The following ATP2B3 variants were observed in gnomAD, a reference collection of about 807,000 sequenced individuals.
The protein encoded by ATP2B3 is ATPase plasma membrane Ca2+ transporting 3.
In ATP2B3, 12 loss-of-function variants were observed where a neutral mutation model predicts 70.8. That is an observed-to-expected ratio of 0.17 (90% confidence interval 0.11 to 0.27). ATP2B3 has a LOEUF of 0.27. ATP2B3 is among the 10% of genes least tolerant of loss of function. The probability of loss-of-function intolerance (pLI) is 1.00; values close to 1 mark genes in which losing one functional copy is unlikely to be tolerated. For missense variants in ATP2B3, 858 were observed against 1,118.5 expected (o/e 0.77, Z 3.32); for synonymous variants, 460 against 497.8 (o/e 0.92, Z 1.01).
At chrX:153,562,629 A>T (rs1382001812) in intron 20 of ATP2B3, among the ~76,000 whole-genome samples, 2 of 112,017 alleles carry the variant, frequency 1.8e-5, no homozygotes, top group Non-Finnish European at 3.8e-5. Flanking sequence ...AAATATTTTG[A>T]CCTGATGGAA....
rs782405959 is a variant in ATP2B3, at chrX:153,542,324, C to A, written c.666C>A (p.Gly222=). The change falls in exon 6 of 22, where the codon GGC becomes GGA. Residue 222 remains glycine, a splice_region_variant and synonymous_variant. Transcript: ENST00000263519. ...VVGDIAQVKY[G]DLLPADGVLI... is the part of the protein sequence containing the mutation. ...GGCCTCTGCTTCCCGGTGCTCTAGGCGACCTGCTGCCAGCCGACGGCGTGC... is the reference window on the plus strand; with the variant it reads ...GGCCTCTGCTTCCCGGTGCTCTAGGAGACCTGCTGCCAGCCGACGGCGTGC... 8.3e-7 allele frequency: 1 copy of A among 1,210,988 alleles called. No individual in the cohort carries two copies. Among genetic ancestry groups the A allele is most frequent in the East Asian group, 3.0e-5 (1 of 33,834 alleles).
At chrX:153,564,756 AG>A (rs1436977666) in intron 20 of ATP2B3, among the ~76,000 whole-genome samples, 164 bp from the exon 21 acceptor site, 1 of 113,447 alleles carries the variant, frequency 8.8e-6, no homozygotes, top group Non-Finnish European at 1.9e-5. Context: ...AAGGGCTGCC[AG>A]TTCCCGGGGG....
Position 153,549,754 on chromosome X carries a change from G to T in ATP2B3, c.1581+15G>T. On this transcript the variant is annotated intron_variant, in intron 11 of 21. Transcript: ENST00000263519. ...CCAAAATACTAGTGAGCTGGGGCAG[G>T]AGCGGGCGGGCAGGGCCGGGGGCAG... 1 of 1,205,474 alleles carries T rather than the reference G, an allele frequency of 8.3e-7. No homozygotes were observed. Among genetic ancestry groups the T allele is most frequent in the Admixed American group, 2.2e-5 (1 of 45,928 alleles).
At chrX:153,560,556 G>C in intron 18 of ATP2B3, 120 bp from the exon 19 acceptor site, 1 of 818,113 alleles carries the variant, frequency 1.2e-6, no homozygotes, top group South Asian at 2.5e-5. Context: ...CCGTGAGCTG[G>C]AAGTGGCCAT....
intron 2 of ATP2B3, among the ~76,000 whole-genome samples, chrX:153,534,019 GAGCCTACCACACA>G (rs1343321742): frequency 2.7e-5 from 3 of 112,187 alleles, no homozygotes; most frequent in African/African-American, 9.7e-5. Context: ...TGCCACCCAA[GAGCCTACCACACA>G]AGCCATTCAC....
intron 2 of ATP2B3, among the ~76,000 whole-genome samples, chrX:153,528,703 T>G (rs1239095411): frequency 8.9e-6 from 1 of 112,346 alleles, no homozygotes; most frequent in Non-Finnish European, 1.9e-5. Flanking sequence ...CTCAGGAATC[T>G]GAGCTCCTTT....
chrX:153,546,020 C>A (rs2090360320), intron 7 of ATP2B3, 68 bp from the exon 8 acceptor site: 1 of 1,165,389 alleles, frequency 8.6e-7, no homozygotes, highest in African/African-American at 1.8e-5. Context: ...CTCCCCACCC[C>A]CTCTGCCACG....
At position 153,541,537 on chromosome X, in the gene ATP2B3, G is replaced by C. The variant is rs145627609; in HGVS notation, c.387G>C (p.Pro129=). 1.4e-4 allele frequency: 169 copies of C among 1,209,491 alleles called. No homozygotes were observed. In the African/African-American group the frequency reaches 2.8e-3, roughly 20 times the overall value. The change falls in exon 4 of 22, where the codon CCG becomes CCC. Residue 129 remains proline (P), a synonymous_variant. Coordinates refer to ENST00000263519, the MANE Select transcript of ATP2B3 (RefSeq NM_001001344.3). ...IVSLGLSFYA[P]PGEESEACGN... ...CTCTGGGCCTCTCGTTCTATGCGCC[G>C]CCAGGAGAGGAGAGTGAAGGTAAGG...
At chrX:153,552,375 C>T (rs2090470438) in intron 12 of ATP2B3, among the ~76,000 whole-genome samples, 2 of 112,225 alleles carry the variant, frequency 1.8e-5, no homozygotes. Context: ...AGTGGCAGCA[C>T]CTGGCACTCA....
intron 2 of ATP2B3, among the ~76,000 whole-genome samples, chrX:153,529,114 C>A (rs2090076273): frequency 8.9e-6 from 1 of 112,636 alleles, no homozygotes; most frequent in African/African-American, 3.2e-5. Flanking sequence ...CAGGCTTTCC[C>A]CAGGTGACCT....
intron 21 of ATP2B3, among the ~76,000 whole-genome samples, chrX:153,578,074 A>G (rs1557021769): frequency 8.9e-6 from 1 of 112,590 alleles, no homozygotes; most frequent in African/African-American, 3.2e-5. Context: ...CAGAGAGGAA[A>G]TATTTTTAGC....
chrX:153,523,293 G>A (rs1424233070), intron 2 of ATP2B3, among the ~76,000 whole-genome samples: 1 of 112,303 alleles, frequency 8.9e-6, no homozygotes, highest in Non-Finnish European at 1.9e-5. Context: ...TGTATCAGGC[G>A]GCCTTCAGTA....
intron 2 of ATP2B3, among the ~76,000 whole-genome samples, chrX:153,531,633 C>A (rs2090119460): frequency 8.9e-6 from 1 of 112,611 alleles, no homozygotes; most frequent in African/African-American, 3.2e-5. Context: ...TGCTTCGGGG[C>A]CACGGCATCC....
At chrX:153,549,348 C>T (rs996840490) in intron 10 of ATP2B3, 149 bp from the exon 11 acceptor site, 28 of 1,092,999 alleles carry the variant, frequency 2.6e-5, no homozygotes, top group Non-Finnish European at 1.4e-5. Context: ...TCGCTATTGG[C>T]TCAGGGCTGA....
Position 153,549,747 on chromosome X carries a change from G to GGGGCAGGAGCGGGC in ATP2B3, c.1581+16_1581+29dup. The GGGGCAGGAGCGGGC allele has an allele frequency of 8.3e-7, 1 of 1,208,083 alleles. No individual in the cohort carries two copies. Among genetic ancestry groups the GGGGCAGGAGCGGGC allele is most frequent in the African/African-American group, 1.7e-5 (1 of 57,909 alleles). On this transcript the variant is annotated intron_variant, in intron 11 of 21. Coordinates refer to ENST00000263519, the MANE Select transcript of ATP2B3 (RefSeq NM_001001344.3). ...TATACCACCAAAATACTAGTGAGCTGGGGCAGGAGCGGGCGGGCAGGGCCG... is the reference window on the plus strand; with the variant it reads ...TATACCACCAAAATACTAGTGAGCTGGGGCAGGAGCGGGCGGGCAGGAGCGGGCGGGCAGGGCCG...
At chrX:153,548,217 G>A (rs1557009622) in intron 9 of ATP2B3, among the ~76,000 whole-genome samples, 1 of 112,707 alleles carries the variant, frequency 8.9e-6, no homozygotes, top group African/African-American at 3.2e-5. Context: ...CTCGACGAAA[G>A]CCCGGGTCAC....
intron 8 of ATP2B3, 67 bp downstream of exon 8, chrX:153,546,196 A>C: frequency 8.6e-7 from 1 of 1,168,533 alleles, no homozygotes; most frequent in Non-Finnish European, 1.2e-6. Flanking sequence ...TGGAGGGCAC[A>C]GTGTTGGGGG....
chrX:153,569,581 T>A, intron 21 of ATP2B3: 1 of 1,209,675 alleles, frequency 8.3e-7, no homozygotes, highest in Non-Finnish European at 1.1e-6. Context: ...AGCCAAACTT[T>A]ATCTCATTTT....
intron 7 of ATP2B3, 104 bp downstream of exon 7, chrX:153,543,272 G>A: frequency 1.9e-6 from 2 of 1,034,543 alleles, no homozygotes; most frequent in Non-Finnish European, 2.6e-6. Context: ...GGGAGAGCCA[G>A]CCCAAGTGGG....
Sources: allele counts gnomAD v4.1 joint callset (sites outside exome capture counted in the v4.1 genomes callset), GRCh38; gene constraint gnomAD v4.1.1; transcripts MANE v1.5; gene names NCBI Gene and HGNC (gene_info 2026-07-23, HGNC 2026-07-21).